The following RARB variants were observed in gnomAD, a reference collection of about 807,000 sequenced individuals.
The protein encoded by RARB is HBV-activated protein.
RARB carries 17 observed loss-of-function variants against 51.9 expected under a neutral mutation model. That is an observed-to-expected ratio of 0.33 (90% CI 0.22 to 0.49). The LOEUF is 0.49. RARB is among the 20% of genes least tolerant of loss of function. The pLI, the probability that RARB is intolerant of heterozygous loss-of-function variation, is 0.99. For synonymous variants in RARB, 215 were observed against 195.4 expected, an observed-to-expected ratio of 1.10 and a Z score of -0.84; for missense variants, 369 against 550.8, an observed-to-expected ratio of 0.67 and a Z score of 3.30.
chr3:25,248,761 G>T (rs1595161), intron 5 of RARB, among the ~76,000 whole-genome samples: 1 of 151,816 alleles, frequency 6.6e-6, no homozygotes, highest in Non-Finnish European at 1.5e-5. Flanking sequence ...GTATCATTCT[G>T]TTATCTCCTG....
chr3:24,854,022 C>A (rs1327754989), intron 1 of RARB, among the ~76,000 whole-genome samples: 1 of 152,146 alleles, frequency 6.6e-6, no homozygotes, highest in Non-Finnish European at 1.5e-5. Context: ...TGAATAAATT[C>A]TCTGGCCTTT....
intron 1 of RARB, among the ~76,000 whole-genome samples, chr3:24,834,129 G>A (rs1207144936): frequency 1.3e-5 from 2 of 152,218 alleles, no homozygotes; most frequent in African/African-American, 2.4e-5. Flanking sequence ...ATACTAAGAG[G>A]TTGGATATGT....
At chr3:24,929,842 A>T (rs988749189) in intron 2 of RARB, among the ~76,000 whole-genome samples, 1 of 152,120 alleles carries the variant, frequency 6.6e-6, no homozygotes, top group African/African-American at 2.4e-5. Flanking sequence ...CTTAAAAAAA[A>T]TTCTTAACCA....
At chr3:25,551,658 C>T (rs941887863) in intron 3 of RARB, among the ~76,000 whole-genome samples, 5 of 152,110 alleles carry the variant, frequency 3.3e-5, no homozygotes, top group Admixed American at 6.5e-5. Flanking sequence ...GATTGAGATT[C>T]GAGTCTCCTG....
At chr3:25,227,988 C>T (rs566249428) in intron 5 of RARB, among the ~76,000 whole-genome samples, 17 of 152,080 alleles carry the variant, frequency 1.1e-4, no homozygotes, top group Middle Eastern at 3.4e-3. Flanking sequence ...GAGTCAATGT[C>T]GCTATGTGGA....
intron 4 of RARB, among the ~76,000 whole-genome samples, chr3:25,135,434 C>A (rs559635470): frequency 2.0e-5 from 3 of 151,910 alleles, no homozygotes; most frequent in African/African-American, 4.8e-5. Context: ...GAAAGGTAAG[C>A]TTTAATCTGC....
At chr3:25,525,073 A>G (rs765529661) in intron 3 of RARB, among the ~76,000 whole-genome samples, 9 of 152,206 alleles carry the variant, frequency 5.9e-5, no homozygotes, top group Non-Finnish European at 1.3e-4. Flanking sequence ...TCTTGGAAAT[A>G]AAATCAGAAA....
chr3:25,142,545 C>T (rs1700125045), intron 4 of RARB, among the ~76,000 whole-genome samples: 1 of 151,910 alleles, frequency 6.6e-6, no homozygotes, highest in Non-Finnish European at 1.5e-5. Flanking sequence ...GTCCTTCCCT[C>T]TCCCACTAGC....
chr3:25,377,016 AGTTT>A (rs796685269), intron 5 of RARB, among the ~76,000 whole-genome samples: 13 of 151,692 alleles, frequency 8.6e-5, no homozygotes, highest in African/African-American at 2.9e-4. Context: ...GTATTAGTTT[AGTTT>A]GTTTGTTTGT....
intron 4 of RARB, among the ~76,000 whole-genome samples, chr3:25,137,491 C>T (rs1432122350): frequency 6.6e-6 from 1 of 151,974 alleles, no homozygotes; most frequent in Non-Finnish European, 1.5e-5. Context: ...CAGAAAAACC[C>T]AGTGAAATTA....
chr3:25,574,490 C>A (rs1700841647), intron 4 of RARB, among the ~76,000 whole-genome samples: 2 of 152,152 alleles, frequency 1.3e-5, no homozygotes, highest in African/African-American at 4.8e-5. Context: ...TGTAAACTAG[C>A]GTGGGTGTGA....
chr3:25,260,086 A>T (rs992281598), intron 5 of RARB: 9 of 746,916 alleles, frequency 1.2e-5, no homozygotes, highest in Non-Finnish European at 1.5e-5. Context: ...CAAGGCCCAG[A>T]TGAGTTTCAG....
At chr3:25,325,957 C>A (rs561221514) in intron 5 of RARB, among the ~76,000 whole-genome samples, 2 of 152,274 alleles carry the variant, frequency 1.3e-5, no homozygotes, top group African/African-American at 2.4e-5. Context: ...TGAGACCATG[C>A]AAGAGAAACG....
intron 2 of RARB, among the ~76,000 whole-genome samples, chr3:25,001,385 T>TTG (rs1363747979): frequency 6.6e-6 from 1 of 152,172 alleles, no homozygotes; most frequent in Non-Finnish European, 1.5e-5. Flanking sequence ...CAAATGACTT[T>TTG]TGTGAGAGGT....
chr3:25,074,573 A>C (rs1698833042), intron 3 of RARB, among the ~76,000 whole-genome samples: 1 of 152,134 alleles, frequency 6.6e-6, no homozygotes, highest in Non-Finnish European at 1.5e-5. Flanking sequence ...TCACCCTTCG[A>C]AGCCTGCCAA....
At chr3:24,863,817 A>T (rs1354160985) in intron 2 of RARB, among the ~76,000 whole-genome samples, 1 of 151,772 alleles carries the variant, frequency 6.6e-6, no homozygotes, top group Non-Finnish European at 1.5e-5. Context: ...GATAAAATCG[A>T]GATTATGAAA....
chr3:24,860,136 G>GAAAT (rs1702721074), intron 2 of RARB, among the ~76,000 whole-genome samples: 1 of 152,070 alleles, frequency 6.6e-6, no homozygotes, highest in Non-Finnish European at 1.5e-5. Context: ...AAATGAACGG[G>GAAAT]GCCCATGTCA....
At chr3:25,318,586 A>C (rs568659418) in intron 5 of RARB, among the ~76,000 whole-genome samples, 72 of 152,316 alleles carry the variant, frequency 4.7e-4, no homozygotes, top group Non-Finnish European at 8.2e-4. Context: ...GTGTCATTAC[A>C]CTTGGAAATG....
chr3:25,569,070 A>G (rs1230628118), intron 3 of RARB, among the ~76,000 whole-genome samples: 2 of 152,256 alleles, frequency 1.3e-5, no homozygotes, highest in African/African-American at 4.8e-5. Context: ...AGTGTTCCAG[A>G]CACAACGTGG....
Sources: gnomAD v4.1 joint callset for allele counts (sites outside exome capture counted in the v4.1 genomes callset) on GRCh38, gnomAD v4.1.1 for gene constraint, MANE v1.5 for transcripts, NCBI Gene and HGNC (gene_info 2026-07-23, HGNC 2026-07-21) for gene names.